MND1: variants seen among roughly 807,000 people sequenced by gnomAD.
MND1 encodes meiotic nuclear divisions 1, also known as meiotic nuclear division protein 1 homolog.
MND1 carries 28 observed loss-of-function variants against 35.1 expected under a neutral mutation model. The ratio of observed to expected loss-of-function variants is 0.80; its 90% confidence interval spans 0.59 to 1.09. The LOEUF (loss-of-function observed/expected upper bound fraction) is 1.09. Among genes scored for constraint, MND1 ranks in the 50% least tolerant of loss-of-function variants. The probability of loss-of-function intolerance (pLI) is 0.00; values close to 1 mark genes in which losing one functional copy is unlikely to be tolerated. For missense variants in MND1, 213 were observed against 239.6 expected (o/e 0.89, Z 0.73); for synonymous variants, 69 against 70.5 (o/e 0.98, Z 0.11).
At chr4:153,348,236 G>A (rs1205326925) in intron 1 of MND1, among the ~76,000 whole-genome samples, 1 of 152,138 alleles carries the variant, frequency 6.6e-6, no homozygotes, top group East Asian at 1.9e-4. Context: ...AAGGTACCTA[G>A]GATGACTGTC....
intron 6 of MND1, 36 bp from the exon 7 acceptor site, chr4:153,408,935 A>ATAT: frequency 9.4e-6 from 6 of 636,932 alleles, no homozygotes; most frequent in Non-Finnish European, 8.6e-6. Flanking sequence ...TATATATATA[A>ATAT]ATACATTTCA....
At position 153,396,829 on chromosome 4, in the gene MND1, C is replaced by T. The variant is rs979423005; in HGVS notation, c.352-390C>T. ...CTTTTAAAGATAATTGTATAATGATCGATGTCTTAAAATGTTACTTACACA... is the reference window on the plus strand; with the variant it reads ...CTTTTAAAGATAATTGTATAATGATTGATGTCTTAAAATGTTACTTACACA... On this transcript the variant is annotated intron_variant, in intron 5 of 7. Coordinates refer to ENST00000240488, the MANE Select transcript of MND1 (RefSeq NM_032117.4). Among the ~76,000 whole-genome samples the T allele has an allele frequency of 5.3e-5, 8 of 151,956 alleles. No homozygotes were observed. The South Asian group carries it at 1.0e-3, about 20-fold the overall frequency.
chr4:153,393,568 G>C (rs766733029), intron 4 of MND1, among the ~76,000 whole-genome samples: 2 of 151,642 alleles, frequency 1.3e-5, no homozygotes, highest in Non-Finnish European at 2.9e-5. Flanking sequence ...TTGTTGAGAT[G>C]GGGTTTTGCC....
At chr4:153,383,054 ATCTGTTGGGAGGTTCTT>A (rs1398196558) in intron 4 of MND1, among the ~76,000 whole-genome samples, 2 of 152,204 alleles carry the variant, frequency 1.3e-5, no homozygotes, top group African/African-American at 4.8e-5. Context: ...ATCTATGTAG[ATCTGTTGGGAGGTTCTT>A]TCAGTTTTTA....
At chr4:153,353,144 A>T (rs1330170626) in intron 2 of MND1, among the ~76,000 whole-genome samples, 2 of 152,020 alleles carry the variant, frequency 1.3e-5, no homozygotes, top group Non-Finnish European at 2.9e-5. Context: ...GTAATTTATT[A>T]CATGTTCCCT....
At chr4:153,408,666 C>G (rs1279144920) in intron 6 of MND1, among the ~76,000 whole-genome samples, 1 of 151,840 alleles carries the variant, frequency 6.6e-6, no homozygotes, top group Non-Finnish European at 1.5e-5. Context: ...TACATGTTGT[C>G]TTTAAAGGAG....
At chr4:153,351,817 G>T (rs1358586571) in intron 2 of MND1, among the ~76,000 whole-genome samples, 1 of 152,094 alleles carries the variant, frequency 6.6e-6, no homozygotes, top group Non-Finnish European at 1.5e-5. Flanking sequence ...ATGGGAAAAT[G>T]CTTATAATTT....
intron 1 of MND1, 39 bp downstream of exon 1, chr4:153,344,779 C>G (rs1315779453): frequency 6.3e-7 from 1 of 1,596,990 alleles, no homozygotes; most frequent in East Asian, 2.3e-5. Context: ...TTCTTCCTCC[C>G]TAGTGTGTGG....
intron 4 of MND1, among the ~76,000 whole-genome samples, chr4:153,379,925 G>A (rs1349303059): frequency 6.6e-6 from 1 of 151,566 alleles, no homozygotes; most frequent in Non-Finnish European, 1.5e-5. Context: ...AGGAGGCTGA[G>A]GTAGGAGGAT....
chr4:153,349,467 C>T (rs180733681), intron 1 of MND1, among the ~76,000 whole-genome samples: 1 of 152,182 alleles, frequency 6.6e-6, no homozygotes, highest in East Asian at 1.9e-4. Flanking sequence ...CTTTCCATAA[C>T]CTGACCCCAC....
At chr4:153,393,919 G>GTTTTCTTTT (rs1729121449) in intron 4 of MND1, among the ~76,000 whole-genome samples, 2 of 55,580 alleles carry the variant, frequency 3.6e-5, no homozygotes, top group Admixed American at 1.7e-4. Context: ...GTTTGACTTT[G>GTTTTCTTTT]TTTTCTTTTT....
intron 4 of MND1, among the ~76,000 whole-genome samples, chr4:153,375,156 A>G (rs1354075941): frequency 2.0e-5 from 3 of 152,192 alleles, no homozygotes; most frequent in African/African-American, 4.8e-5. Context: ...ATACATTTAT[A>G]TAGCTATGGG....
intron 4 of MND1, among the ~76,000 whole-genome samples, chr4:153,393,830 C>CTT (rs374029189): frequency 8.4e-6 from 1 of 119,684 alleles, no homozygotes. Context: ...TTTTTAAACT[C>CTT]TTTTTTTTTT....
chr4:153,404,339 G>A (rs895684650), intron 6 of MND1, among the ~76,000 whole-genome samples: 2 of 138,378 alleles, frequency 1.4e-5, no homozygotes, highest in Middle Eastern at 3.8e-3. Flanking sequence ...GTGCCACCAC[G>A]CCCAGCTTTT....
chr4:153,348,648 GGTT>G (rs1453884790), intron 1 of MND1, among the ~76,000 whole-genome samples: 1 of 152,046 alleles, frequency 6.6e-6, no homozygotes, highest in African/African-American at 2.4e-5. Flanking sequence ...TGAGTTAGTG[GGTT>G]GTTGTTTTTT....
Position 153,358,693 on chromosome 4 carries a change from GT to G in MND1, c.276+74del, listed in dbSNP as rs1425930556. 5 of 1,438,404 alleles carry G rather than the reference GT, an allele frequency of 3.5e-6. No individual in the cohort carries two copies. The African/African-American group carries it at 5.8e-5, about 17-fold the overall frequency. 89.1% of individuals were successfully genotyped at this position (1,438,404 alleles called of 1,614,324 possible). A position where few individuals can be genotyped will look rare whatever the true frequency, so the allele number is the denominator to read the frequency against. On this transcript the variant is annotated intron_variant, in intron 4 of 7. Transcript: ENST00000240488. ...AGTTGTTTTACTTCATCCTCTTTTT[GT>G]TTAGCAGTTTCTTTTGAATTTTTGA...
At chr4:153,376,001 C>T (rs1728495712) in intron 4 of MND1, among the ~76,000 whole-genome samples, 1 of 152,080 alleles carries the variant, frequency 6.6e-6, no homozygotes. Flanking sequence ...AGTGGTAGTG[C>T]ATGTTCTAAT....
In MND1 at chr4:153,403,994, T is replaced by C. The variant is rs1729414563; in HGVS notation, c.467-4977T>C. Among the ~76,000 whole-genome samples, 3 of 152,008 alleles carry C rather than the reference T, an allele frequency of 2.0e-5. No individual in the cohort carries two copies. In the South Asian group the frequency reaches 6.2e-4, roughly 32 times the overall value. On this transcript the variant is annotated intron_variant, in intron 6 of 7. Transcript: ENST00000240488. The stretch of plus-strand genomic sequence containing the variant: ...CTAACATTATTTTAAATGTCCAGTT[T>C]TGCAACAAAAAGATTGCAAGACATA...
intron 3 of MND1, among the ~76,000 whole-genome samples, chr4:153,356,296 C>T (rs1773336543): frequency 6.6e-6 from 1 of 152,174 alleles, no homozygotes; most frequent in South Asian, 2.1e-4. Context: ...TGGCTCACGC[C>T]TATAATCCCA....
Sources: gnomAD v4.1 joint callset for allele counts (sites outside exome capture counted in the v4.1 genomes callset) on GRCh38, gnomAD v4.1.1 for gene constraint, MANE v1.5 for transcripts, NCBI Gene and HGNC (gene_info 2026-07-23, HGNC 2026-07-21) for gene names.